NXPE2: variants seen among roughly 807,000 people sequenced by gnomAD.
The protein encoded by NXPE2 is neurexophilin and PC-esterase domain family member 2.
In NXPE2, 34 loss-of-function variants were observed where a neutral mutation model predicts 34.4. The observed-to-expected ratio is 0.99, with a 90% confidence interval of 0.75 to 1.31. The LOEUF is 1.31. NXPE2 is among the 40% of genes most tolerant of loss of function. The probability of loss-of-function intolerance (pLI) is 0.00; values close to 1 mark genes in which losing one functional copy is unlikely to be tolerated. For synonymous variants in NXPE2, 235 were observed against 231.3 expected (o/e 1.02, Z -0.15); for missense variants, 649 against 672.5 (o/e 0.97, Z 0.39).
chr11:114,635,560 C>T, the NXPE2 span, among the ~76,000 whole-genome samples: 2 of 151,980 alleles, frequency 1.3e-5, no homozygotes, highest in Non-Finnish European at 2.9e-5. Context: ...AAAGGGAATG[C>T]TTCCAGTTTT....
At chr11:114,794,048 C>G in the NXPE2 span, among the ~76,000 whole-genome samples, 17 of 152,150 alleles carry the variant, frequency 1.1e-4, no homozygotes, top group African/African-American at 4.1e-4. Context: ...TGCCTGTCTC[C>G]TGCCTCAGCT....
the NXPE2 span, among the ~76,000 whole-genome samples, chr11:114,609,164 G>C: frequency 6.7e-6 from 1 of 150,000 alleles, no homozygotes; most frequent in South Asian, 2.1e-4. Flanking sequence ...ACTGTTACCT[G>C]GTGGATGATA....
the NXPE2 span, among the ~76,000 whole-genome samples, chr11:114,606,896 C>T: frequency 6.6e-6 from 1 of 151,928 alleles, no homozygotes; most frequent in Non-Finnish European, 1.5e-5. Context: ...CATGGGTAAC[C>T]ACTGTTACCC....
chr11:114,634,126 T>A, the NXPE2 span, among the ~76,000 whole-genome samples: 55 of 151,690 alleles, frequency 3.6e-4, no homozygotes, highest in African/African-American at 1.2e-3. Context: ...CAGCACCTGT[T>A]GTTTCCTGAC....
chr11:114,734,359 A>G, the NXPE2 span, among the ~76,000 whole-genome samples: 805 of 152,276 alleles, frequency 5.3e-3, 4 homozygotes, highest in African/African-American at 0.019. Flanking sequence ...TATTTTACAA[A>G]TACATTTTTT....
the NXPE2 span, chr11:114,526,496 A>G: frequency 1.5e-5 from 1 of 65,894 alleles, no homozygotes; most frequent in Admixed American, 1.4e-4. Context: ...ATTTTAAACC[A>G]CAAAGTGGAT....
intron 2 of NXPE2, among the ~76,000 whole-genome samples, chr11:114,688,416 T>C (rs1468794330): frequency 5.9e-5 from 9 of 152,142 alleles, no homozygotes; most frequent in Admixed American, 5.9e-4. Context: ...TAAACCATCC[T>C]TGCATCCCTG....
chr11:114,647,869 G>T, the NXPE2 span, among the ~76,000 whole-genome samples: 4 of 151,944 alleles, frequency 2.6e-5, no homozygotes, highest in African/African-American at 9.6e-5. Flanking sequence ...GCATGGCTAA[G>T]TTTTGTAATT....
chr11:114,725,976 A>AAAAAATATATATATATAT, the NXPE2 span, among the ~76,000 whole-genome samples: 16 of 101,750 alleles, frequency 1.6e-4, no homozygotes, highest in African/African-American at 5.1e-4. Context: ...ATAAAAAAAA[A>AAAAAATATATATATATAT]ATATATATAT....
chr11:114,607,335 C>G, the NXPE2 span, among the ~76,000 whole-genome samples: 4 of 122,864 alleles, frequency 3.3e-5, no homozygotes, highest in South Asian at 2.7e-4. Context: ...CCCGTTGATA[C>G]TAAGTATTGC....
chr11:114,652,090 A>T, the NXPE2 span, among the ~76,000 whole-genome samples: 8 of 151,962 alleles, frequency 5.3e-5, no homozygotes, highest in East Asian at 1.9e-4. Flanking sequence ...CAATACTTAA[A>T]TTTTTTTTTA....
chr11:114,484,621 A>C, the NXPE2 span, among the ~76,000 whole-genome samples: 1 of 152,192 alleles, frequency 6.6e-6, no homozygotes, highest in Admixed American at 6.5e-5. Flanking sequence ...TCCTTAAAAA[A>C]CAAACCAAGT....
chr11:114,553,793 G>A, the NXPE2 span: 1 of 979,948 alleles, frequency 1.0e-6, no homozygotes, highest in South Asian at 4.7e-5. Context: ...GCCTTTGCTG[G>A]CTTATGAAAG....
chr11:114,669,522 T>C, the NXPE2 span, among the ~76,000 whole-genome samples: 1 of 152,116 alleles, frequency 6.6e-6, no homozygotes, highest in African/African-American at 2.4e-5. Context: ...CTGGACTCTC[T>C]TTCTCTACCC....
the NXPE2 span, among the ~76,000 whole-genome samples, chr11:114,639,301 G>A: frequency 1.0e-3 from 155 of 152,196 alleles, 1 homozygote; most frequent in Admixed American, 8.3e-3. Flanking sequence ...CTGGTGCACC[G>A]TTCCTTAAGC....
the NXPE2 span, among the ~76,000 whole-genome samples, chr11:114,470,582 C>CGTGTGTGTGTGTGTGT: frequency 6.9e-6 from 1 of 144,834 alleles, no homozygotes; most frequent in Non-Finnish European, 1.5e-5. Context: ...AAAGAATTGA[C>CGTGTGTGTGTGTGTGT]GTGTGTGTGT....
the NXPE2 span, among the ~76,000 whole-genome samples, chr11:114,623,517 C>G: frequency 6.6e-6 from 1 of 151,210 alleles, no homozygotes; most frequent in Non-Finnish European, 1.5e-5. Flanking sequence ...AATAAGTATT[C>G]CCTCGTGGAT....
chr11:114,786,715 C>T, the NXPE2 span, among the ~76,000 whole-genome samples: 1 of 152,268 alleles, frequency 6.6e-6, no homozygotes, highest in Admixed American at 6.5e-5. Flanking sequence ...TTCTAGTTTG[C>T]CTCATCCTGA....
the NXPE2 span, among the ~76,000 whole-genome samples, chr11:114,752,987 G>T: frequency 6.6e-6 from 1 of 152,192 alleles, no homozygotes; most frequent in East Asian, 1.9e-4. Flanking sequence ...AGATCGGGGA[G>T]ATGTGGAATA....
Sources: allele counts gnomAD v4.1 joint callset (sites outside exome capture counted in the v4.1 genomes callset), GRCh38; gene constraint gnomAD v4.1.1; transcripts MANE v1.5; gene names NCBI Gene and HGNC (gene_info 2026-07-23, HGNC 2026-07-21).